Variants in LRRC7 observed in about 807,000 individuals in gnomAD.
LRRC7 encodes leucine-rich repeat-containing protein 7.
A neutral mutation model predicts 175.7 loss-of-function variants in LRRC7; 23 were observed. That is an observed-to-expected ratio of 0.13 (90% CI 0.09 to 0.19). The LOEUF is 0.19. LRRC7 is among the 10% of genes least tolerant of loss of function. The pLI is 1.00. For synonymous variants in LRRC7, 685 were observed against 680.9 expected (o/e 1.01, Z -0.09); for missense variants, 1,354 against 1,904.7 (o/e 0.71, Z 5.38).
intron 7 of LRRC7, among the ~76,000 whole-genome samples, chr1:69,844,646 C>T (rs905441170): frequency 6.6e-6 from 1 of 152,014 alleles, no homozygotes; most frequent in African/African-American, 2.4e-5. Context: ...GCAATGAACA[C>T]GGGAGTGCAG....
chr1:69,687,539 GAA>G (rs1390011818), intron 2 of LRRC7, among the ~76,000 whole-genome samples: 1 of 90,392 alleles, frequency 1.1e-5, no homozygotes, highest in Non-Finnish European at 2.5e-5. Context: ...AAAAAAAAAA[GAA>G]AAAAGAAAAA....
intron 2 of LRRC7, among the ~76,000 whole-genome samples, chr1:69,722,298 CATTGT>C (rs1666450506): frequency 6.6e-6 from 1 of 151,940 alleles, no homozygotes; most frequent in African/African-American, 2.4e-5. Context: ...TACTGTCGTA[CATTGT>C]ATTGATTTAT....
At chr1:69,752,847 A>G (rs1467621860) in intron 2 of LRRC7, among the ~76,000 whole-genome samples, 4 of 152,098 alleles carry the variant, frequency 2.6e-5, no homozygotes, top group Non-Finnish European at 5.9e-5. Context: ...ATTTTAAGAC[A>G]TTTACTAGAA....
intron 7 of LRRC7, among the ~76,000 whole-genome samples, chr1:69,926,886 C>A (rs1647093252): frequency 6.6e-6 from 1 of 152,170 alleles, no homozygotes; most frequent in Admixed American, 6.5e-5. Flanking sequence ...TTAGTTGATG[C>A]AGTTTCTTCG....
chr1:69,820,921 C>G (rs1020025612), intron 4 of LRRC7, among the ~76,000 whole-genome samples: 1 of 152,150 alleles, frequency 6.6e-6, no homozygotes, highest in African/African-American at 2.4e-5. Flanking sequence ...GTTCTAGATC[C>G]TTAAGCAATC....
At chr1:70,017,043 C>T (rs146224436) in intron 14 of LRRC7, among the ~76,000 whole-genome samples, 80 of 152,042 alleles carry the variant, frequency 5.3e-4, no homozygotes, top group African/African-American at 1.8e-3. Context: ...TTTGGGAGGC[C>T]GAGGCACACA....
intron 1 of LRRC7, among the ~76,000 whole-genome samples, chr1:69,583,745 G>A (rs1646293581): frequency 6.6e-6 from 1 of 152,132 alleles, no homozygotes; most frequent in South Asian, 2.1e-4. Context: ...TTGGGGTTGA[G>A]CAAAGTCATT....
intron 7 of LRRC7, among the ~76,000 whole-genome samples, chr1:69,863,481 G>A (rs1271931012): frequency 6.6e-6 from 1 of 152,068 alleles, no homozygotes; most frequent in Non-Finnish European, 1.5e-5. Flanking sequence ...TTAATAGGTT[G>A]TACTTTTTAA....
intron 18 of LRRC7, among the ~76,000 whole-genome samples, chr1:70,031,444 C>A (rs1362504248): frequency 1.3e-5 from 2 of 152,092 alleles, no homozygotes; most frequent in Non-Finnish European, 2.9e-5. Context: ...ATGCCCACAG[C>A]GTCTCAGTGA....
chr1:69,955,173 T>G (rs1650364849), intron 8 of LRRC7, among the ~76,000 whole-genome samples: 1 of 151,998 alleles, frequency 6.6e-6, no homozygotes, highest in South Asian at 2.1e-4. Flanking sequence ...TGATCACTTT[T>G]TCAGGTTCTC....
intron 1 of LRRC7, among the ~76,000 whole-genome samples, chr1:69,630,441 CTG>C (rs1482492171): frequency 1.3e-5 from 2 of 152,116 alleles, no homozygotes; most frequent in African/African-American, 4.8e-5. Context: ...TATAAAATGT[CTG>C]TAATGATTGC....
chr1:69,871,366 T>C (rs1015609705), intron 7 of LRRC7, among the ~76,000 whole-genome samples: 1 of 152,156 alleles, frequency 6.6e-6, no homozygotes, highest in Admixed American at 6.6e-5. Context: ...TCAAATGATA[T>C]GGCAGAGAGA....
chr1:69,804,969 C>A (rs536471801), intron 4 of LRRC7, among the ~76,000 whole-genome samples: 1 of 151,612 alleles, frequency 6.6e-6, no homozygotes, highest in African/African-American at 2.4e-5. Flanking sequence ...ATAGAGACTA[C>A]GACACTATAA....
At chr1:69,637,353 T>G (rs550672404) in intron 1 of LRRC7, among the ~76,000 whole-genome samples, 25 of 152,112 alleles carry the variant, frequency 1.6e-4, no homozygotes, top group African/African-American at 5.5e-4. Context: ...ATATTCATAT[T>G]AAAAATAATT....
chr1:70,043,449 A>G (rs1660083810), intron 21 of LRRC7, among the ~76,000 whole-genome samples: 1 of 152,186 alleles, frequency 6.6e-6, no homozygotes, highest in South Asian at 2.1e-4. Context: ...AATTATGCCT[A>G]CAGACTGAGC....
intron 1 of LRRC7, among the ~76,000 whole-genome samples, chr1:69,633,396 A>C (rs1652817798): frequency 6.6e-6 from 1 of 151,846 alleles, no homozygotes; most frequent in Admixed American, 6.6e-5. Flanking sequence ...TTTGCTTTAA[A>C]ATGTGCTTTT....
chr1:69,657,823 G>C (rs1656879243), intron 1 of LRRC7, among the ~76,000 whole-genome samples: 2 of 151,730 alleles, frequency 1.3e-5, no homozygotes, highest in Non-Finnish European at 2.9e-5. Context: ...CCTTATTTCA[G>C]GTTCTTCACC....
At chr1:69,784,337 C>A (rs1194968201) in intron 3 of LRRC7, among the ~76,000 whole-genome samples, 1 of 152,058 alleles carries the variant, frequency 6.6e-6, no homozygotes, top group East Asian at 1.9e-4. Context: ...CATAGGTGAA[C>A]TTTCTTCAAC....
intron 2 of LRRC7, among the ~76,000 whole-genome samples, chr1:69,688,915 C>G (rs927135582): frequency 6.6e-6 from 1 of 152,104 alleles, no homozygotes. Context: ...TTTGCATATA[C>G]TACATATTTG....
Sources: allele counts gnomAD v4.1 joint callset (sites outside exome capture counted in the v4.1 genomes callset), GRCh38; gene constraint gnomAD v4.1.1; transcripts MANE v1.5; gene names NCBI Gene and HGNC (gene_info 2026-07-23, HGNC 2026-07-21).